FBN1: variants seen among roughly 807,000 people sequenced by gnomAD.
FBN1 encodes the protein fibrillin-1.
In FBN1, 29 loss-of-function variants were observed where a neutral mutation model predicts 365.1. The observed-to-expected ratio is 0.08, with a 90% confidence interval of 0.06 to 0.11. The LOEUF is 0.11. FBN1 is among the 10% of genes least tolerant of loss of function. FBN1 has a pLI of 1.00. For synonymous variants in FBN1, 1,210 were observed against 1,270.5 expected, an observed-to-expected ratio of 0.95 and a Z score of 1.01; for missense variants, 2,476 against 3,703.2, an observed-to-expected ratio of 0.67 and a Z score of 8.60.
intron 45 of FBN1, among the ~76,000 whole-genome samples, chr15:48,451,891 A>C (rs987036141): frequency 6.6e-6 from 1 of 152,224 alleles, no homozygotes; most frequent in Non-Finnish European, 1.5e-5. Context: ...TTCACCGTAC[A>C]CTGAAGTTGA....
intron 6 of FBN1, among the ~76,000 whole-genome samples, chr15:48,568,659 A>G (rs1424812481): frequency 6.6e-6 from 1 of 152,114 alleles, no homozygotes; most frequent in Non-Finnish European, 1.5e-5. Context: ...AGATCAATGA[A>G]ACAGAATAGA....
intron 50 of FBN1, among the ~76,000 whole-genome samples, chr15:48,439,412 C>A (rs1597527896): frequency 1.3e-5 from 2 of 152,322 alleles, no homozygotes; most frequent in East Asian, 3.9e-4. Context: ...CAAATGTTTG[C>A]TTTGCTGAGA....
intron 22 of FBN1, among the ~76,000 whole-genome samples, chr15:48,494,776 T>C (rs1426994724): frequency 1.3e-5 from 2 of 152,166 alleles, no homozygotes; most frequent in African/African-American, 2.4e-5. Context: ...AGTTTAGTCA[T>C]GAATACCGGT....
At chr15:48,480,652 T>C (rs1304688276) in intron 32 of FBN1, among the ~76,000 whole-genome samples, 1 of 152,170 alleles carries the variant, frequency 6.6e-6, no homozygotes, top group Non-Finnish European at 1.5e-5. Flanking sequence ...ATAATAAATA[T>C]ATTTTGGTGT....
intron 4 of FBN1, among the ~76,000 whole-genome samples, chr15:48,608,158 A>G (rs986630084): frequency 1.3e-5 from 2 of 152,234 alleles, no homozygotes; most frequent in Non-Finnish European, 2.9e-5. Context: ...TCTCAGAGTC[A>G]CAGGACACTC....
chr15:48,552,438 A>AT (rs915870720), intron 6 of FBN1, among the ~76,000 whole-genome samples: 52 of 151,664 alleles, frequency 3.4e-4, no homozygotes, highest in African/African-American at 1.3e-3. Flanking sequence ...ATGCCTGCCT[A>AT]TTTTTTTATT....
At chr15:48,606,286 T>C (rs957644977) in intron 4 of FBN1, among the ~76,000 whole-genome samples, 6 of 152,216 alleles carry the variant, frequency 3.9e-5, no homozygotes, top group Non-Finnish European at 7.3e-5. Context: ...CAAATGTTCA[T>C]AGCAGCTTAG....
chr15:48,509,694 A>C (rs999233729), intron 14 of FBN1, among the ~76,000 whole-genome samples: 3 of 151,632 alleles, frequency 2.0e-5, no homozygotes, highest in African/African-American at 7.3e-5. Flanking sequence ...ACTTTAAACA[A>C]AAAGATTATA....
intron 63 of FBN1, among the ~76,000 whole-genome samples, chr15:48,419,723 C>A (rs1566891083): frequency 6.6e-6 from 1 of 151,960 alleles, no homozygotes. Context: ...GAAAGTGAAC[C>A]CCTGCAATGC....
rs1304811982 is a variant in FBN1, at chr15:48,446,771, G to A, written c.5723C>T (p.Thr1908Ile). The A allele has an allele frequency of 1.9e-6, 3 of 1,613,414 alleles. No individual in the cohort carries two copies. Among genetic ancestry groups the A allele is most frequent in the Non-Finnish European group, 2.5e-6 (3 of 1,179,426 alleles). The change falls in exon 47 of 66, where the codon ACA becomes ATA. Residue 1908 changes from threonine (T) to isoleucine (I), a missense_variant. By Grantham distance (89) the Thr-to-Ile change is moderately conservative (BLOSUM62 -1). Coordinates refer to ENST00000316623, the MANE Select transcript of FBN1 (RefSeq NM_000138.5). ...DACGNGTCRN[T>I]IGSFNCRCNH... is the part of the protein sequence containing the mutation. ...GCAGCGGCAGTTGAAGGAACCAATT[G>A]TGTTCCGGCAAGTTCCATTCCCACA...
chr15:48,519,222 T>G (rs2043830385), intron 10 of FBN1, among the ~76,000 whole-genome samples: 1 of 152,246 alleles, frequency 6.6e-6, no homozygotes, highest in South Asian at 2.1e-4. Flanking sequence ...AAACTTCATC[T>G]ATGTATTTGT....
chr15:48,411,006 T>C lies in FBN1; in HGVS notation c.8600A>G (p.Gln2867Arg), dbSNP rs397515865. 3.1e-6 allele frequency: 5 copies of C among 1,613,638 alleles called. No homozygotes were observed. Among genetic ancestry groups the C allele is most frequent in the Non-Finnish European group, 4.2e-6 (5 of 1,179,966 alleles). ...GATGGTGAATTAATGAAGCAAAACCTGGATTTTCATCTTCAGATTATCACC... is the reference window on the plus strand; with the variant it reads ...GATGGTGAATTAATGAAGCAAAACCCGGATTTTCATCTTCAGATTATCACC... ...ELGDNLKMKIQVLLH is the reference protein window; with the variant it reads ...ELGDNLKMKIRVLLH The change falls in exon 66 of 66, where the codon CAG becomes CGG. Residue 2867 changes from glutamine (Q) to arginine (R), a missense_variant. Gln to Arg is a conservative substitution (Grantham distance 43). Around this residue, in one of 5 missense-constraint regions of FBN1, gnomAD observed 177 missense variants for 192.7 expected, o/e 0.92. Transcript: ENST00000316623.
intron 18 of FBN1, 145 bp downstream of exon 18, chr15:48,498,840 T>C (rs2043631212): frequency 1.2e-6 from 1 of 854,860 alleles, no homozygotes. Flanking sequence ...TGAAGGCTTC[T>C]GAGCATCCCA....
At chr15:48,460,050 C>T (rs1438043052) in intron 43 of FBN1, among the ~76,000 whole-genome samples, 196 bp downstream of exon 43, 1 of 152,218 alleles carries the variant, frequency 6.6e-6, no homozygotes, top group African/African-American at 2.4e-5. Flanking sequence ...TCATGAACAA[C>T]AAATGTTGTT....
intron 6 of FBN1, among the ~76,000 whole-genome samples, chr15:48,581,817 C>G (rs1462286188): frequency 6.6e-6 from 1 of 152,062 alleles, no homozygotes; most frequent in African/African-American, 2.4e-5. Flanking sequence ...TAAAAGCAAG[C>G]AAATACATGT....
intron 12 of FBN1, among the ~76,000 whole-genome samples, chr15:48,513,927 A>G (rs183342954): frequency 6.6e-6 from 1 of 152,340 alleles, no homozygotes; most frequent in East Asian, 1.9e-4. Flanking sequence ...CTGATCTAAT[A>G]AACATTTTTT....
intron 57 of FBN1, 47 bp downstream of exon 57, chr15:48,428,299 C>A: frequency 1.2e-6 from 2 of 1,606,690 alleles, no homozygotes; most frequent in East Asian, 2.2e-5. Flanking sequence ...TCCAGCATCC[C>A]AGTGTGGAGG....
At chr15:48,644,567 T>C (rs746059521) in intron 2 of FBN1, 39 bp downstream of exon 2, 2 of 1,613,404 alleles carry the variant, frequency 1.2e-6, no homozygotes, top group South Asian at 1.1e-5. Flanking sequence ...TCTTGAAACT[T>C]GGGAGACCCA....
chr15:48,596,249 A>G, intron 6 of FBN1, 34 bp downstream of exon 6: 1 of 1,580,490 alleles, frequency 6.3e-7, no homozygotes, highest in Non-Finnish European at 8.7e-7. Flanking sequence ...AGGTACCAGC[A>G]TGTCTTTACG....
Sources: gnomAD v4.1 joint callset for allele counts (sites outside exome capture counted in the v4.1 genomes callset) on GRCh38, gnomAD v4.1.1 for gene constraint, gnomAD v4.1.1 regional missense constraint, MANE v1.5 for transcripts, NCBI Gene and HGNC (gene_info 2026-07-23, HGNC 2026-07-21) for gene names.